Variants in TRAF3 observed in about 807,000 individuals in gnomAD.
TRAF3 encodes TNF receptor associated factor 3.
TRAF3 carries 13 observed loss-of-function variants against 62.3 expected under a neutral mutation model. The observed-to-expected ratio is 0.21, with a 90% confidence interval of 0.14 to 0.33. TRAF3 has a LOEUF of 0.33. TRAF3 is among the 10% of genes least tolerant of loss of function. TRAF3 has a pLI of 1.00. For synonymous variants in TRAF3, 269 were observed against 283.4 expected (o/e 0.95, Z 0.51); for missense variants, 440 against 741.8 (o/e 0.59, Z 4.73).
At chr14:102,875,944 TC>T (rs543692106) in intron 5 of TRAF3, among the ~76,000 whole-genome samples, 18 of 151,506 alleles carry the variant, frequency 1.2e-4, no homozygotes, top group South Asian at 2.1e-4. Flanking sequence ...TTTTAAACAC[TC>T]CCCCCCCTAC....
At chr14:102,888,137 G>A (rs1206631360) in intron 7 of TRAF3, among the ~76,000 whole-genome samples, 1 of 152,202 alleles carries the variant, frequency 6.6e-6, no homozygotes, top group Non-Finnish European at 1.5e-5. Context: ...ACATGTAATA[G>A]CGTTGACACT....
intron 1 of TRAF3, among the ~76,000 whole-genome samples, chr14:102,777,946 G>A (rs1231966673): frequency 1.3e-5 from 2 of 149,988 alleles, no homozygotes; most frequent in African/African-American, 4.9e-5. Context: ...GCCCGAGGGG[G>A]CCGGGGCGCC....
chr14:102,850,173 G>C (rs1265124769), intron 2 of TRAF3, among the ~76,000 whole-genome samples: 1 of 152,136 alleles, frequency 6.6e-6, no homozygotes, highest in African/African-American at 2.4e-5. Context: ...AAGGAATCCA[G>C]TCCACCTCTT....
chr14:102,894,379 A>G (rs572164302), intron 9 of TRAF3, among the ~76,000 whole-genome samples: 1 of 152,314 alleles, frequency 6.6e-6, no homozygotes, highest in Admixed American at 6.5e-5. Flanking sequence ...AAAACTGCAA[A>G]ATCTGGACTT....
At chr14:102,845,477 A>G (rs1265441015) in intron 2 of TRAF3, among the ~76,000 whole-genome samples, 1 of 151,234 alleles carries the variant, frequency 6.6e-6, no homozygotes. Flanking sequence ...TGCTGAGATT[A>G]CAGGCATGAG....
At chr14:102,825,230 G>A (rs1162418363) in intron 1 of TRAF3, among the ~76,000 whole-genome samples, 2 of 152,212 alleles carry the variant, frequency 1.3e-5, no homozygotes, top group Admixed American at 6.5e-5. Flanking sequence ...AGCACCCACT[G>A]GTGCACTTGG....
rs1022509105 is a variant in TRAF3, at chr14:102,907,527, C to G, written c.*1743C>G. ...GCGACGGGTGCTTCTTAGGCAAAACCAATGTGTGCGAACTGTCACACCTGT... is the reference window on the plus strand; with the variant it reads ...GCGACGGGTGCTTCTTAGGCAAAACGAATGTGTGCGAACTGTCACACCTGT... On this transcript the variant is annotated 3_prime_UTR_variant, in exon 12 of 12. Coordinates refer to ENST00000392745, the MANE Select transcript of TRAF3 (RefSeq NM_145725.3). 6.6e-6 allele frequency: 1 copy of G among 152,308 alleles called. No homozygotes were observed. The highest frequency in any genetic ancestry group is 1.5e-5 in the Non-Finnish European group (1 of 68,078). The allele number at this position is 152,308 out of a possible 1,614,324, so 9.4% of individuals were successfully genotyped here.
Position 102,874,947 on chromosome 14 carries a change from A to G in TRAF3, c.298-677A>G, listed in dbSNP as rs1888562032. Among the ~76,000 whole-genome samples the G allele has an allele frequency of 2.6e-5, 4 of 152,222 alleles. No homozygotes were observed. The South Asian group carries it at 8.3e-4, about 32-fold the overall frequency. Reference sequence around the variant, plus strand: ...GCTGGGATTTTAGGCTTCAGCTACCACGCCCAGCCTCGTTTTCATTTTCAA... The same window carrying G: ...GCTGGGATTTTAGGCTTCAGCTACCGCGCCCAGCCTCGTTTTCATTTTCAA... On this transcript the variant is annotated intron_variant, in intron 4 of 11. Coordinates refer to ENST00000392745, the MANE Select transcript of TRAF3 (RefSeq NM_145725.3).
In TRAF3 at chr14:102,874,637, G is replaced by T. The variant is rs545388078; in HGVS notation, c.298-987G>T. On this transcript the variant is annotated intron_variant, in intron 4 of 11. Coordinates refer to ENST00000392745, the MANE Select transcript of TRAF3 (RefSeq NM_145725.3). ...GAAAAATAAAATTAAAAGTTGAAAGGTTTTTTCTTCTTCTTTTTTTTTTTT... is the reference window on the plus strand; with the variant it reads ...GAAAAATAAAATTAAAAGTTGAAAGTTTTTTTCTTCTTCTTTTTTTTTTTT... Among the ~76,000 whole-genome samples the T allele has an allele frequency of 8.0e-4, 118 of 146,700 alleles. No homozygotes were observed. The Middle Eastern group carries it at 0.017, about 22-fold the overall frequency.
intron 2 of TRAF3, among the ~76,000 whole-genome samples, chr14:102,859,508 C>A (rs1887564236): frequency 6.6e-6 from 1 of 152,220 alleles, no homozygotes; most frequent in African/African-American, 2.4e-5. Context: ...GTAAGTTTAA[C>A]AATTTTCAAA....
At chr14:102,795,626 T>G (rs1820702616) in intron 1 of TRAF3, among the ~76,000 whole-genome samples, 1 of 29,062 alleles carries the variant, frequency 3.4e-5, no homozygotes, top group South Asian at 1.4e-3. Context: ...GTGTGCATAG[T>G]TTTCATCCAT....
chr14:102,832,683 AT>A (rs1333390398), intron 2 of TRAF3, among the ~76,000 whole-genome samples: 1 of 152,090 alleles, frequency 6.6e-6, no homozygotes, highest in Non-Finnish European at 1.5e-5. Flanking sequence ...CCACCAAAAA[AT>A]ATATATATTT....
chr14:102,894,103 G>A (rs4243736), intron 9 of TRAF3, among the ~76,000 whole-genome samples: 39,092 of 152,044 alleles, frequency 0.26, 5,898 homozygotes, highest in African/African-American at 0.4. Context: ...GAGGCGGGCA[G>A]ATTGCCTGAG....
chr14:102,785,182 T>C (rs1235592987), intron 1 of TRAF3, among the ~76,000 whole-genome samples: 1 of 152,176 alleles, frequency 6.6e-6, no homozygotes, highest in African/African-American at 2.4e-5. Flanking sequence ...TTAAACAAAT[T>C]GTGTATTTTT....
chr14:102,892,872 A>G (rs1331553780), intron 9 of TRAF3, among the ~76,000 whole-genome samples: 2 of 152,252 alleles, frequency 1.3e-5, no homozygotes, highest in Non-Finnish European at 2.9e-5. Context: ...GCTGATGAGC[A>G]GCAGTGCCGG....
At chr14:102,816,950 G>A (rs1033752535) in intron 1 of TRAF3, among the ~76,000 whole-genome samples, 5 of 152,186 alleles carry the variant, frequency 3.3e-5, no homozygotes, top group Non-Finnish European at 1.5e-5. Flanking sequence ...TCTTGAAGAC[G>A]AAGCTGACTG....
Position 102,903,937 on chromosome 14 carries a change from A to T in TRAF3, c.1135+508A>T, listed in dbSNP as rs1890443676. Reference sequence around the variant, plus strand: ...AGGAGGATTAATGGCAGAAAGGAACACAGATTACCGGTGTGTGTGTGGGGC... The same window carrying T: ...AGGAGGATTAATGGCAGAAAGGAACTCAGATTACCGGTGTGTGTGTGGGGC... On this transcript the variant is annotated intron_variant, in intron 11 of 11. Coordinates refer to ENST00000392745, the MANE Select transcript of TRAF3 (RefSeq NM_145725.3). This position sits in a 1 kb window ranked among gnomAD's most constrained non-coding sequence, Gnocchi z 6.4. 2.5e-6 allele frequency: 1 copy of T among 392,890 alleles called. No individual in the cohort carries two copies. Among genetic ancestry groups the T allele is most frequent in the African/African-American group, 2.1e-5 (1 of 48,296 alleles). The allele number at this position is 392,890 out of a possible 1,614,324, so 24.3% of individuals were successfully genotyped here. A position where few individuals can be genotyped will look rare whatever the true frequency, so the allele number is the denominator to read the frequency against.
intron 1 of TRAF3, among the ~76,000 whole-genome samples, chr14:102,783,925 T>A (rs1335826925): frequency 1.3e-5 from 2 of 152,170 alleles, no homozygotes; most frequent in African/African-American, 4.8e-5. Flanking sequence ...GTAAGATGGA[T>A]GGGAAAGCAT....
chr14:102,893,235 C>A (rs1318065502), intron 9 of TRAF3, among the ~76,000 whole-genome samples: 2 of 150,762 alleles, frequency 1.3e-5, no homozygotes, highest in South Asian at 2.1e-4. Context: ...AAAAAAAATA[C>A]AAAAATTACG....
Sources: allele counts gnomAD v4.1 joint callset (sites outside exome capture counted in the v4.1 genomes callset), GRCh38; gene constraint gnomAD v4.1.1; non-coding constraint Gnocchi (gnomAD v3.1); transcripts MANE v1.5; gene names NCBI Gene and HGNC (gene_info 2026-07-23, HGNC 2026-07-21).